ARAP2: variants seen among roughly 807,000 people sequenced by gnomAD.
ARAP2 encodes ArfGAP with RhoGAP domain, ankyrin repeat and PH domain 2.
ARAP2 carries 148 observed loss-of-function variants against 194.5 expected under a neutral mutation model. The ratio of observed to expected loss-of-function variants is 0.76; its 90% confidence interval spans 0.67 to 0.87. The LOEUF (loss-of-function observed/expected upper bound fraction) is 0.87. Ranked by LOEUF, ARAP2 falls within the 40% of genes least tolerant of loss-of-function variation. The pLI, the probability that ARAP2 is intolerant of heterozygous loss-of-function variation, is 0.00. For missense variants in ARAP2, 2,128 were observed against 1,989.7 expected (o/e 1.07, Z -1.32); for synonymous variants, 695 against 683.5 (o/e 1.02, Z -0.26).
intron 9 of ARAP2, among the ~76,000 whole-genome samples, chr4:36,173,624 A>C (rs1383256896): frequency 6.6e-6 from 1 of 152,176 alleles, no homozygotes; most frequent in African/African-American, 2.4e-5. Context: ...TAAGATCCCA[A>C]TAAATAAATG....
At chr4:36,027,865 T>G (rs1298306275) in intron 5 of ARAP2, among the ~76,000 whole-genome samples, 3 of 152,146 alleles carry the variant, frequency 2.0e-5, no homozygotes, top group African/African-American at 7.2e-5. Flanking sequence ...TCAAAAGCAT[T>G]AAGTGAGGGT....
intron 2 of ARAP2, among the ~76,000 whole-genome samples, chr4:36,224,673 C>T (rs2109323231): frequency 6.6e-6 from 1 of 152,144 alleles, no homozygotes; most frequent in South Asian, 2.1e-4. Context: ...GATACCCTCA[C>T]CTTCTAACAA....
Position 36,111,881 on chromosome 4 carries a change from A to G in ARAP2, c.4156+2289T>C, listed in dbSNP as rs1720081957. Among the ~76,000 whole-genome samples the G allele has an allele frequency of 2.0e-5, 3 of 151,972 alleles. No individual in the cohort carries two copies. The South Asian group carries it at 6.2e-4, about 31-fold the overall frequency. ...CTCCAGTGGCACACAGATATACTTT[A>G]GTGTACTCAAACTTTGAGAGGGCAA... On this transcript the variant is annotated intron_variant, in intron 26 of 32. Coordinates refer to ENST00000303965, the MANE Select transcript of ARAP2 (RefSeq NM_015230.4).
intron 8 of ARAP2, among the ~76,000 whole-genome samples, chr4:36,014,320 A>AGAGAGAGAGAAAGAAAGAAAGAGAGAG (rs1560264988): frequency 5.6e-5 from 6 of 106,880 alleles, no homozygotes; most frequent in African/African-American, 2.2e-4. Context: ...GAAAGAAAGA[A>AGAGAGAGAGAAAGAAAGAAAGAGAGAG]AGAGAGAAAG....
At chr4:36,088,758 G>A (rs776630033) in intron 28 of ARAP2, among the ~76,000 whole-genome samples, 2 of 152,072 alleles carry the variant, frequency 1.3e-5, no homozygotes, top group African/African-American at 2.4e-5. Flanking sequence ...CACACGGAGT[G>A]CTGAACAGAA....
intron 6 of ARAP2, among the ~76,000 whole-genome samples, chr4:36,018,898 T>C (rs61795338): frequency 0.097 from 14,514 of 149,344 alleles, 1,458 homozygotes; most frequent in African/African-American, 0.17. Context: ...GGGTTGAATC[T>C]TTTTGAACAA....
intron 15 of ARAP2, among the ~76,000 whole-genome samples, chr4:36,151,535 T>A (rs1730971273): frequency 6.6e-6 from 1 of 152,102 alleles, no homozygotes; most frequent in African/African-American, 2.4e-5. Context: ...GAACATCACC[T>A]AAAATATAGA....
At chr4:36,145,654 C>T (rs1729459748) in intron 19 of ARAP2, among the ~76,000 whole-genome samples, 1 of 151,936 alleles carries the variant, frequency 6.6e-6, no homozygotes, top group Non-Finnish European at 1.5e-5. Flanking sequence ...CAAACCTGCA[C>T]ATATGTAGAT....
At position 36,158,720 on chromosome 4, in the gene ARAP2, GA is replaced by G; in HGVS notation, c.2752+9del. ...TATCTGATAATATCTAAAAAGAAGA[GA>G]AAAAATACCTTCAAGCAGTTTTTTC... On this transcript the variant is annotated intron_variant, in intron 15 of 32. Transcript: ENST00000303965. The G allele has an allele frequency of 2.5e-6, 4 of 1,592,112 alleles. No individual in the cohort carries two copies. The East Asian group carries it at 6.7e-5, about 27-fold the overall frequency.
At position 36,197,810 on chromosome 4, in the gene ARAP2, G is replaced by A. The variant is rs376094766; in HGVS notation, c.1488-4163C>T. Among the ~76,000 whole-genome samples, 11 of 152,320 alleles carry A rather than the reference G, an allele frequency of 7.2e-5. No individual in the cohort carries two copies. The East Asian group carries it at 2.1e-3, about 29-fold the overall frequency. ...GGCTGCAGCTGGACCAGGCACACCA[G>A]AAGCAGCTTCCACAGCTGCCACCAG... On this transcript the variant is annotated intron_variant, in intron 6 of 32. Coordinates refer to ENST00000303965, the MANE Select transcript of ARAP2 (RefSeq NM_015230.4).
intron 1 of ARAP2, among the ~76,000 whole-genome samples, chr4:36,237,463 G>A (rs1752662672): frequency 6.6e-6 from 1 of 152,194 alleles, no homozygotes; most frequent in South Asian, 2.1e-4. Flanking sequence ...GGAAGTCATG[G>A]GGGAGGATCC....
chr4:36,107,815 T>C (rs1407565874), intron 26 of ARAP2, 122 bp from the exon 27 acceptor site: 1 of 865,808 alleles, frequency 1.2e-6, no homozygotes, highest in East Asian at 3.1e-5. Flanking sequence ...TACACAATCA[T>C]ATCTTATGTT....
chr4:36,133,079 G>A (rs1725806926), intron 20 of ARAP2, 147 bp downstream of exon 20: 1 of 721,772 alleles, frequency 1.4e-6, no homozygotes, highest in East Asian at 2.9e-5. Flanking sequence ...ATGGTAATTA[G>A]CTGAACAGTA....
chr4:36,070,726 T>C (rs1726650462), intron 32 of ARAP2, among the ~76,000 whole-genome samples: 1 of 152,224 alleles, frequency 6.6e-6, no homozygotes, highest in Admixed American at 6.5e-5. Context: ...ACTCTCTTAA[T>C]TGGCTTTCAT....
chr4:36,007,359 T>C (rs1713509400), intron 9 of ARAP2, among the ~76,000 whole-genome samples: 1 of 152,024 alleles, frequency 6.6e-6, no homozygotes. Flanking sequence ...AGACATCCAT[T>C]GATAAGAAGG....
At chr4:36,135,049 T>C (rs138554204) in intron 19 of ARAP2, among the ~76,000 whole-genome samples, 121 of 151,888 alleles carry the variant, frequency 8.0e-4, no homozygotes, top group Non-Finnish European at 1.3e-3. Flanking sequence ...TGGCATTTAG[T>C]GGATACATAG....
rs79737299 is a variant in ARAP2 at position 36,085,379 on chromosome 4, T to A, written c.4426-1929A>T. Among the ~76,000 whole-genome samples, 32 of 152,208 alleles carry A rather than the reference T, an allele frequency of 2.1e-4. 1 individual carries two copies. In the East Asian group the frequency reaches 6.0e-3, roughly 28 times the overall value. On this transcript the variant is annotated intron_variant, in intron 28 of 32. Coordinates refer to ENST00000303965, the MANE Select transcript of ARAP2 (RefSeq NM_015230.4). ...TGTCAATCTGGAATACATTTTTTTA[T>A]ATATACAGTATAAATGATAAGTTAG...
At chr4:36,165,384 A>G (rs1735047919) in intron 10 of ARAP2, among the ~76,000 whole-genome samples, 1 of 152,200 alleles carries the variant, frequency 6.6e-6, no homozygotes, top group Non-Finnish European at 1.5e-5. Flanking sequence ...TTGCCTTGTT[A>G]GGTCACAAGC....
chr4:36,104,516 C>A (rs898291118), intron 27 of ARAP2, among the ~76,000 whole-genome samples: 6 of 151,758 alleles, frequency 4.0e-5, no homozygotes, highest in African/African-American at 1.5e-4. Context: ...GACTGAATAC[C>A]AAAATTATCA....
Sources: allele counts gnomAD v4.1 joint callset (sites outside exome capture counted in the v4.1 genomes callset), GRCh38; gene constraint gnomAD v4.1.1; transcripts MANE v1.5; gene names NCBI Gene and HGNC (gene_info 2026-07-23, HGNC 2026-07-21).